Variants in CSNK2A2IP observed in about 807,000 individuals in gnomAD.
The protein encoded by CSNK2A2IP is casein kinase II subunit alpha'-interacting protein.
the CSNK2A2IP span, chr3:88,465,876 G>A: frequency 8.1e-7 from 1 of 1,231,506 alleles, no homozygotes; most frequent in Admixed American, 4.2e-5. Flanking sequence ...CACTTTCATT[G>A]AAGTCTCATC....
chr3:88,340,061 A>G, the CSNK2A2IP span, among the ~76,000 whole-genome samples: 1 of 152,046 alleles, frequency 6.6e-6, no homozygotes, highest in East Asian at 1.9e-4. Flanking sequence ...AACTTCCTGG[A>G]TAAAATATTT....
the CSNK2A2IP span, chr3:88,465,813 A>T: frequency 8.1e-7 from 1 of 1,231,476 alleles, no homozygotes; most frequent in Non-Finnish European, 1.0e-6. Context: ...GTTTACAATT[A>T]CCCTTCTGTA....
At chr3:88,424,411 AT>A in the CSNK2A2IP span, among the ~76,000 whole-genome samples, 5 of 152,204 alleles carry the variant, frequency 3.3e-5, no homozygotes, top group African/African-American at 1.2e-4. Flanking sequence ...TACAAACAAT[AT>A]TTTATTCTTT....
chr3:88,357,502 G>A, the CSNK2A2IP span, among the ~76,000 whole-genome samples: 1 of 152,098 alleles, frequency 6.6e-6, no homozygotes, highest in African/African-American at 2.4e-5. Flanking sequence ...ATTATTTGAA[G>A]TCAGATAGTT....
chr3:88,439,961 A>T, the CSNK2A2IP span, among the ~76,000 whole-genome samples: 2 of 152,132 alleles, frequency 1.3e-5, no homozygotes, highest in Non-Finnish European at 2.9e-5. Flanking sequence ...GGCTCACTAT[A>T]ATTAAACCAG....
the CSNK2A2IP span, among the ~76,000 whole-genome samples, chr3:88,451,178 A>G: frequency 6.6e-6 from 1 of 152,098 alleles, no homozygotes; most frequent in African/African-American, 2.4e-5. Flanking sequence ...TTCAGTCCTA[A>G]AAAAGGGGGA....
chr3:88,422,975 A>G, the CSNK2A2IP span, among the ~76,000 whole-genome samples: 1 of 152,200 alleles, frequency 6.6e-6, no homozygotes, highest in Non-Finnish European at 1.5e-5. Flanking sequence ...GAAGAAGACA[A>G]CATAACTTTT....
chr3:88,360,588 T>A, the CSNK2A2IP span, among the ~76,000 whole-genome samples: 4 of 152,304 alleles, frequency 2.6e-5, no homozygotes, highest in African/African-American at 9.6e-5. Flanking sequence ...GTAGGCAGCA[T>A]GTAGTCGGAT....
the CSNK2A2IP span, among the ~76,000 whole-genome samples, chr3:88,446,489 A>G: frequency 6.6e-6 from 1 of 152,180 alleles, no homozygotes; most frequent in African/African-American, 2.4e-5. Flanking sequence ...TTTGTTTCCA[A>G]CTGAATTTTT....
At chr3:88,340,191 C>G in the CSNK2A2IP span, among the ~76,000 whole-genome samples, 1 of 151,722 alleles carries the variant, frequency 6.6e-6, no homozygotes, top group African/African-American at 2.4e-5. Context: ...GAAATGGGTA[C>G]GGAGGTGTAT....
At chr3:88,450,496 A>T in the CSNK2A2IP span, among the ~76,000 whole-genome samples, 1 of 135,502 alleles carries the variant, frequency 7.4e-6, no homozygotes, top group African/African-American at 2.5e-5. Flanking sequence ...TGCGTAGTTG[A>T]CCTTTTTAAA....
the CSNK2A2IP span, among the ~76,000 whole-genome samples, chr3:88,447,764 A>G: frequency 6.6e-6 from 1 of 152,244 alleles, no homozygotes; most frequent in South Asian, 2.1e-4. Context: ...GTCTTCTACT[A>G]TGAATATCGT....
At chr3:88,429,813 C>A in the CSNK2A2IP span, among the ~76,000 whole-genome samples, 1 of 152,088 alleles carries the variant, frequency 6.6e-6, no homozygotes, top group Non-Finnish European at 1.5e-5. Context: ...AGGGCAGTGC[C>A]CTGATCTCAG....
the CSNK2A2IP span, among the ~76,000 whole-genome samples, chr3:88,440,322 G>T: frequency 6.6e-6 from 1 of 152,050 alleles, no homozygotes; most frequent in East Asian, 1.9e-4. Context: ...AATTTAAAAA[G>T]AATTGAGTAA....
At chr3:88,405,570 G>A in the CSNK2A2IP span, among the ~76,000 whole-genome samples, 1 of 152,130 alleles carries the variant, frequency 6.6e-6, no homozygotes, top group Admixed American at 6.5e-5. Context: ...CTTTGGGTTA[G>A]GCCTAGGAAT....
At chr3:88,463,721 A>T in the CSNK2A2IP span, among the ~76,000 whole-genome samples, 1 of 152,206 alleles carries the variant, frequency 6.6e-6, no homozygotes, top group Non-Finnish European at 1.5e-5. Flanking sequence ...GAACTAGTTC[A>T]ACCATTGTGG....
the CSNK2A2IP span, among the ~76,000 whole-genome samples, chr3:88,384,454 G>T: frequency 1.3e-5 from 2 of 152,084 alleles, no homozygotes; most frequent in Non-Finnish European, 2.9e-5. Flanking sequence ...CAAGTAAAAG[G>T]CTCTGAGGCT....
the CSNK2A2IP span, among the ~76,000 whole-genome samples, chr3:88,453,850 G>A: frequency 6.6e-6 from 1 of 152,038 alleles, no homozygotes; most frequent in South Asian, 2.1e-4. Flanking sequence ...GTCTACTGAT[G>A]GATAGTAGAT....
At chr3:88,403,287 T>G in the CSNK2A2IP span, among the ~76,000 whole-genome samples, 1 of 152,096 alleles carries the variant, frequency 6.6e-6, no homozygotes, top group African/African-American at 2.4e-5. Flanking sequence ...CAAGATTAAA[T>G]TAAATGCCCC....
Sources: allele counts gnomAD v4.1 joint callset (sites outside exome capture counted in the v4.1 genomes callset), GRCh38; gene constraint gnomAD v4.1.1; transcripts MANE v1.5; gene names NCBI Gene and HGNC (gene_info 2026-07-23, HGNC 2026-07-21).